USH1C: variants seen among roughly 807,000 people sequenced by gnomAD.
The protein encoded by USH1C is harmonin.
A neutral mutation model predicts 119.3 loss-of-function variants in USH1C; 90 were observed. The observed-to-expected ratio is 0.75, with a 90% CI of 0.64 to 0.90. The LOEUF (loss-of-function observed/expected upper bound fraction) is 0.90, where lower values mean the gene tolerates loss of function less well. USH1C is among the 40% of genes least tolerant of loss of function. The pLI, the probability that USH1C is intolerant of heterozygous loss-of-function variation, is 0.00. For synonymous variants in USH1C, 465 were observed against 443.3 expected, an observed-to-expected ratio of 1.05 and a Z score of -0.62; for missense variants, 1,165 against 1,167.7, an observed-to-expected ratio of 1.00 and a Z score of 0.03.
chr11:17,511,081 T>C (rs1204059557), intron 16 of USH1C, among the ~76,000 whole-genome samples: 1 of 152,198 alleles, frequency 6.6e-6, no homozygotes, highest in African/African-American at 2.4e-5. Context: ...TGATACCTCC[T>C]ACAGCTGGGG....
At chr11:17,537,727 C>T (rs1363286435) in intron 1 of USH1C, among the ~76,000 whole-genome samples, 1 of 152,212 alleles carries the variant, frequency 6.6e-6, no homozygotes, top group Non-Finnish European at 1.5e-5. Flanking sequence ...GCCTCCTCAC[C>T]TGCCTCCCAG....
intron 1 of USH1C, among the ~76,000 whole-genome samples, chr11:17,536,754 A>G (rs1397772917): frequency 6.6e-6 from 1 of 152,248 alleles, no homozygotes; most frequent in Non-Finnish European, 1.5e-5. Flanking sequence ...TTCCCCTGAC[A>G]CACTGGAATC....
Position 17,511,994 on chromosome 11 carries a change from T to C in USH1C, c.1321A>G (p.Lys441Glu). The C allele has an allele frequency of 6.2e-7, 1 of 1,614,248 alleles. No individual in the cohort carries two copies. The highest frequency in any genetic ancestry group is 8.5e-7 in the Non-Finnish European group (1 of 1,180,050). ...AGCTTTTGCTCAAACTCCAGTTCTT[T>C]CTTATTCTTTCTCAAGTCCTGCAGG... is the stretch of plus-strand genomic sequence containing the variant. ...GSLQDLRKNKKELEFEQKLYK... is the reference protein window; with the variant it reads ...GSLQDLRKNKEELEFEQKLYK... The change falls in exon 16 of 27, where the codon AAA becomes GAA. Residue 441 changes from lysine (K) to glutamate (E), a missense_variant. Lys to Glu is a moderately conservative substitution (Grantham distance 56). Coordinates refer to ENST00000005226, the MANE Select transcript of USH1C (RefSeq NM_153676.4).
chr11:17,519,159 A>G (rs1022092300), intron 14 of USH1C, among the ~76,000 whole-genome samples: 2 of 152,210 alleles, frequency 1.3e-5, no homozygotes, highest in African/African-American at 4.8e-5. Context: ...GGACCAACTC[A>G]GCCCTGACCA....
Position 17,531,641 on chromosome 11 carries a change from C to A in USH1C, c.105-99G>T. On this transcript the variant is annotated intron_variant, in intron 2 of 26. Coordinates refer to ENST00000005226, the MANE Select transcript of USH1C (RefSeq NM_153676.4). The surrounding 1 kb of genome is among the most constrained non-coding windows in gnomAD (Gnocchi z 4.2). ...AGCCATTTCAGCCACTGGGCCCAGG[C>A]TTAGGAATGGAGTAGACCACTCCTG... The A allele has an allele frequency of 6.6e-7, 1 of 1,514,274 alleles. No homozygotes were observed. Among genetic ancestry groups the A allele is most frequent in the South Asian group, 1.2e-5 (1 of 85,138 alleles). 93.8% of individuals were successfully genotyped at this position (1,514,274 alleles called of 1,614,324 possible). A position where few individuals can be genotyped will look rare whatever the true frequency, so the allele number is the denominator to read the frequency against.
At chr11:17,504,968 C>A (rs924922993) in intron 19 of USH1C, among the ~76,000 whole-genome samples, 1 of 152,216 alleles carries the variant, frequency 6.6e-6, no homozygotes, top group Admixed American at 6.5e-5. Flanking sequence ...CTCTGGGGAG[C>A]TGACGGGACA....
chr11:17,533,369 C>CAA, intron 1 of USH1C, 47 bp from the exon 2 acceptor site: 1 of 1,380,780 alleles, frequency 7.2e-7, no homozygotes, highest in Middle Eastern at 1.8e-4. Flanking sequence ...CAGCACCCGC[C>CAA]CCCATAGCAG....
intron 14 of USH1C, chr11:17,517,466 C>A: frequency 6.3e-7 from 1 of 1,592,852 alleles, no homozygotes; most frequent in East Asian, 2.3e-5. Flanking sequence ...GGTTCCACTC[C>A]CTGATCATCT....
intron 1 of USH1C, chr11:17,533,996 C>G: frequency 3.6e-6 from 1 of 279,076 alleles, no homozygotes; most frequent in Non-Finnish European, 7.2e-6. Flanking sequence ...ATGGCTGGCA[C>G]TCTAAGGTCA....
chr11:17,520,464 A>G (rs1453717849), intron 14 of USH1C, among the ~76,000 whole-genome samples: 1 of 152,120 alleles, frequency 6.6e-6, no homozygotes, highest in Non-Finnish European at 1.5e-5. Context: ...CTCTGATGTG[A>G]GGTCCTTCCC....
intron 12 of USH1C, among the ~76,000 whole-genome samples, chr11:17,521,858 A>T (rs978919658): frequency 3.3e-5 from 5 of 152,036 alleles, no homozygotes; most frequent in African/African-American, 1.2e-4. Context: ...GATTGAGACA[A>T]AGTCTCACTT....
chr11:17,530,646 C>T (rs141926229), intron 4 of USH1C, among the ~76,000 whole-genome samples: 18 of 152,310 alleles, frequency 1.2e-4, no homozygotes, highest in Admixed American at 3.9e-4. Flanking sequence ...ACAGTACTAT[C>T]GGCAACTCAT....
chr11:17,523,024 C>T lies in USH1C; in HGVS notation c.877-98G>A. ...CGAGATGCAGGTGGTCTTCTCAGCA[C>T]CATCAGGCACTGCGGCTCCCGCAAT... On this transcript the variant is annotated intron_variant, in intron 11 of 26. Coordinates refer to ENST00000005226, the MANE Select transcript of USH1C (RefSeq NM_153676.4). 2.5e-6 allele frequency: 4 copies of T among 1,591,328 alleles called. No homozygotes were observed. The South Asian group carries it at 4.4e-5, about 18-fold the overall frequency.
intron 17 of USH1C, 94 bp downstream of exon 17, chr11:17,510,311 C>G: frequency 9.9e-7 from 1 of 1,009,616 alleles, no homozygotes; most frequent in Admixed American, 1.9e-5. Flanking sequence ...AGGCTAGTGA[C>G]GTTTGCTAGT....
At chr11:17,498,304 G>T (rs1343081477) in intron 23 of USH1C, 33 bp from the exon 24 acceptor site, 5 of 1,600,282 alleles carry the variant, frequency 3.1e-6, no homozygotes, top group Middle Eastern at 1.7e-4. Context: ...GGCCAACTGG[G>T]CTGTATGTGA....
intron 19 of USH1C, 106 bp downstream of exon 19, chr11:17,505,724 G>A (rs756233343): frequency 6.5e-7 from 1 of 1,526,764 alleles, no homozygotes; most frequent in Non-Finnish European, 9.0e-7. Flanking sequence ...TCTGTGATCT[G>A]CATTTTTGTC....
intron 24 of USH1C, 35 bp from the exon 25 acceptor site, chr11:17,496,848 T>A: frequency 6.2e-7 from 1 of 1,612,284 alleles, no homozygotes; most frequent in Non-Finnish European, 8.5e-7. Flanking sequence ...TGGGGCACAC[T>A]CAGTTGGATG....
intron 14 of USH1C, chr11:17,517,558 G>A: frequency 1.5e-6 from 2 of 1,370,786 alleles, no homozygotes; most frequent in Non-Finnish European, 2.0e-6. Flanking sequence ...CAGGAGTTTG[G>A]GGACCTGTAA....
intron 1 of USH1C, 47 bp from the exon 2 acceptor site, chr11:17,533,369 C>CCCG (rs1554963816): frequency 7.2e-7 from 1 of 1,380,780 alleles, no homozygotes; most frequent in African/African-American, 1.5e-5. Flanking sequence ...CAGCACCCGC[C>CCCG]CCCATAGCAG....
Sources: gnomAD v4.1 joint callset for allele counts (sites outside exome capture counted in the v4.1 genomes callset) on GRCh38, gnomAD v4.1.1 for gene constraint, Gnocchi (gnomAD v3.1) non-coding constraint, MANE v1.5 for transcripts, NCBI Gene and HGNC (gene_info 2026-07-23, HGNC 2026-07-21) for gene names.